CFAP299: variants seen among roughly 807,000 people sequenced by gnomAD.
CFAP299 encodes the protein cilia- and flagella-associated protein 299.
In CFAP299, 21 loss-of-function variants were observed where a neutral mutation model predicts 27.0. The observed-to-expected ratio is 0.78, with a 90% confidence interval of 0.55 to 1.12. CFAP299 has a LOEUF of 1.12. Ranked by LOEUF, CFAP299 falls within the 50% of genes most tolerant of loss-of-function variation. The pLI is 0.00. For missense variants in CFAP299, 310 were observed against 276.6 expected (o/e 1.12, Z -0.86); for synonymous variants, 104 against 98.1 (o/e 1.06, Z -0.36).
intron 2 of CFAP299, among the ~76,000 whole-genome samples, chr4:80,477,259 T>C (rs890189776): frequency 4.6e-5 from 7 of 152,182 alleles, no homozygotes; most frequent in African/African-American, 1.7e-4. Flanking sequence ...ACAGGGTTTC[T>C]GTATGTTGCC....
chr4:80,786,134 T>G (rs1248585649), intron 3 of CFAP299, among the ~76,000 whole-genome samples: 1 of 152,146 alleles, frequency 6.6e-6, no homozygotes, highest in Non-Finnish European at 1.5e-5. Context: ...CTAAGATACT[T>G]GTGATAGACA....
chr4:80,427,681 T>C (rs1333758697), intron 2 of CFAP299, among the ~76,000 whole-genome samples: 3 of 152,172 alleles, frequency 2.0e-5, no homozygotes, highest in Non-Finnish European at 4.4e-5. Flanking sequence ...TTGCCACTGT[T>C]AGGTTGTTTT....
chr4:80,735,874 CA>C (rs1267493125), intron 3 of CFAP299, among the ~76,000 whole-genome samples: 1 of 152,054 alleles, frequency 6.6e-6, no homozygotes, highest in Non-Finnish European at 1.5e-5. Flanking sequence ...AAATGTCCAT[CA>C]GGGATAATGG....
intron 3 of CFAP299, among the ~76,000 whole-genome samples, chr4:80,599,744 T>TA (rs1737233976): frequency 6.6e-6 from 1 of 152,104 alleles, no homozygotes; most frequent in Admixed American, 6.6e-5. Context: ...ATACTACTGT[T>TA]ACACCCACAG....
At chr4:80,630,241 T>A (rs1388231140) in intron 3 of CFAP299, among the ~76,000 whole-genome samples, 2 of 152,110 alleles carry the variant, frequency 1.3e-5, no homozygotes, top group African/African-American at 4.8e-5. Context: ...TTTCTTGTGG[T>A]AGGGAGTAGA....
chr4:80,504,505 A>ATATATTTT (rs1483255216), intron 2 of CFAP299, among the ~76,000 whole-genome samples: 14 of 110,182 alleles, frequency 1.3e-4, no homozygotes, highest in South Asian at 8.8e-4. Flanking sequence ...ATATATATAT[A>ATATATTTT]TTTTCCTTTG....
At chr4:80,566,400 A>G (rs1735285687) in intron 2 of CFAP299, among the ~76,000 whole-genome samples, 1 of 152,048 alleles carries the variant, frequency 6.6e-6, no homozygotes. Flanking sequence ...CAATTCCTGA[A>G]GAATGACAGT....
chr4:80,868,905 C>CTG (rs1184951626), intron 3 of CFAP299, among the ~76,000 whole-genome samples: 10,048 of 137,544 alleles, frequency 0.073, 345 homozygotes, highest in Admixed American at 0.085. Context: ...GCTTCTCTCT[C>CTG]TGTGTGTGTG....
At chr4:80,512,899 T>C (rs1732390006) in intron 2 of CFAP299, among the ~76,000 whole-genome samples, 1 of 152,160 alleles carries the variant, frequency 6.6e-6, no homozygotes, top group Non-Finnish European at 1.5e-5. Context: ...AAATGATTAA[T>C]GATAATGATT....
At chr4:80,517,278 T>C (rs923635686) in intron 2 of CFAP299, among the ~76,000 whole-genome samples, 1 of 152,192 alleles carries the variant, frequency 6.6e-6, no homozygotes, top group Non-Finnish European at 1.5e-5. Context: ...AGTAAGAATT[T>C]CTGTTGTTTT....
chr4:80,905,204 A>G (rs1207825279), intron 4 of CFAP299, among the ~76,000 whole-genome samples: 1 of 152,226 alleles, frequency 6.6e-6, no homozygotes, highest in Admixed American at 6.5e-5. Flanking sequence ...GCAATTAAAA[A>G]TCTATGCTTT....
intron 2 of CFAP299, among the ~76,000 whole-genome samples, chr4:80,382,446 A>G (rs1560538929): frequency 6.6e-6 from 1 of 152,240 alleles, no homozygotes; most frequent in Admixed American, 6.5e-5. Context: ...TGCATCTGAC[A>G]AAGGTCTACT....
At chr4:80,849,801 T>TGA in intron 3 of CFAP299, among the ~76,000 whole-genome samples, 1 of 152,260 alleles carries the variant, frequency 6.6e-6, no homozygotes, top group Non-Finnish European at 1.5e-5. Context: ...TCTGAAGTTC[T>TGA]ATTGCACAGT....
At chr4:80,532,219 T>C (rs1176856834) in intron 2 of CFAP299, among the ~76,000 whole-genome samples, 4 of 152,230 alleles carry the variant, frequency 2.6e-5, no homozygotes, top group Non-Finnish European at 5.9e-5. Context: ...TTGTAGATTT[T>C]GGCTCTTTTG....
chr4:80,482,856 C>G (rs1730634904), intron 2 of CFAP299, among the ~76,000 whole-genome samples: 3 of 152,166 alleles, frequency 2.0e-5, no homozygotes, highest in African/African-American at 7.2e-5. Flanking sequence ...CAACGTTTGT[C>G]TTTTCAATAT....
intron 2 of CFAP299, among the ~76,000 whole-genome samples, chr4:80,512,703 T>G (rs550851537): frequency 6.6e-6 from 1 of 152,164 alleles, no homozygotes; most frequent in South Asian, 2.1e-4. Context: ...AGAGCTGTGG[T>G]GCAAAAAGCA....
At chr4:80,576,217 TAA>T (rs1735856865) in intron 2 of CFAP299, among the ~76,000 whole-genome samples, 1 of 147,942 alleles carries the variant, frequency 6.8e-6, no homozygotes, top group East Asian at 2.0e-4. Flanking sequence ...TATATATATA[TAA>T]AATCTCTTTC....
chr4:80,662,220 T>C (rs1740886767), intron 3 of CFAP299, among the ~76,000 whole-genome samples: 1 of 152,030 alleles, frequency 6.6e-6, no homozygotes, highest in Admixed American at 6.6e-5. Context: ...CTTTTGAAAA[T>C]CACTAATAAA....
At chr4:80,609,735 T>A (rs1737867080) in intron 3 of CFAP299, among the ~76,000 whole-genome samples, 1 of 152,082 alleles carries the variant, frequency 6.6e-6, no homozygotes, top group Non-Finnish European at 1.5e-5. Context: ...TATGTGTAAC[T>A]GTTTTGGTAG....
Sources: allele counts gnomAD v4.1 joint callset (sites outside exome capture counted in the v4.1 genomes callset), GRCh38; gene constraint gnomAD v4.1.1; transcripts MANE v1.5; gene names NCBI Gene and HGNC (gene_info 2026-07-23, HGNC 2026-07-21).